PPIA: variants seen among roughly 807,000 people sequenced by gnomAD.
PPIA encodes the protein peptidyl-prolyl cis-trans isomerase A.
PPIA carries 2 observed loss-of-function variants against 15.3 expected under a neutral mutation model. That is an observed-to-expected ratio of 0.13 (90% confidence interval 0.05 to 0.41). The LOEUF (loss-of-function observed/expected upper bound fraction) is 0.41. Among genes scored for constraint, PPIA ranks in the 10% least tolerant of loss-of-function variants. The pLI is 0.99. For synonymous variants in PPIA, 67 were observed against 73.1 expected, an observed-to-expected ratio of 0.92 and a Z score of 0.43; for missense variants, 103 against 210.3, an observed-to-expected ratio of 0.49 and a Z score of 3.16.
At chr7:44,797,639 A>G (rs1332166207) in intron 1 of PPIA, among the ~76,000 whole-genome samples, 7 of 152,168 alleles carry the variant, frequency 4.6e-5, no homozygotes, top group South Asian at 2.1e-4. Flanking sequence ...ACCAGTGATT[A>G]CCTAATTAGT....
rs142167741 is a variant in PPIA at position 44,799,325 on chromosome 7, T to TTGTG, written c.101-55_101-52dup. Reference sequence around the variant, plus strand: ...ACAAAGATGTTCCAATTGTGACAGTTTGTGTGTGTGTGTGTATATATATAT... The same window carrying TTGTG: ...ACAAAGATGTTCCAATTGTGACAGTTTGTGTGTGTGTGTGTGTGTATATATATAT... On this transcript the variant is annotated intron_variant, in intron 2 of 4. Transcript: ENST00000468812. The TTGTG allele has an allele frequency of 3.1e-5, 49 of 1,601,726 alleles. 1 individual carries two copies. In the African/African-American group the frequency reaches 4.4e-4, roughly 14 times the overall value.
In PPIA at chr7:44,796,705, A is replaced by T; in HGVS notation, c.-20A>T. 1 of 1,609,580 alleles carries T rather than the reference A, an allele frequency of 6.2e-7. No individual in the cohort carries two copies. The highest frequency in any genetic ancestry group is 8.5e-7 in the Non-Finnish European group (1 of 1,178,128). On this transcript the variant is annotated 5_prime_UTR_variant, in exon 1 of 5. Coordinates refer to ENST00000468812, the MANE Select transcript of PPIA (RefSeq NM_021130.5). ...CGTTTTGCAGACGCCACCGCCGAGGAAAACCGTGTACTATTAGCCATGGTC... is the reference window on the plus strand; with the variant it reads ...CGTTTTGCAGACGCCACCGCCGAGGTAAACCGTGTACTATTAGCCATGGTC...
At chr7:44,798,025 C>A (rs1312764004) in intron 1 of PPIA, 1 of 152,182 alleles carries the variant, frequency 6.6e-6, no homozygotes, top group Non-Finnish European at 1.5e-5. Flanking sequence ...CAAGGGCTTT[C>A]GTGGAAACTT....
rs918372843 is a variant in PPIA, at chr7:44,799,339, G to GTA, written c.101-43_101-42dup. The GTA allele has an allele frequency of 3.2e-5, 51 of 1,580,896 alleles. No homozygotes were observed. The Admixed American group carries it at 4.6e-4, about 14-fold the overall frequency. On this transcript the variant is annotated intron_variant, in intron 2 of 4. Transcript: ENST00000468812. ...ATTGTGACAGTTTGTGTGTGTGTGT[G>GTA]TATATATATATTTTTATGTATGTAT... is the stretch of plus-strand genomic sequence containing the variant.
Position 44,799,854 on chromosome 7 carries a change from C to T in PPIA, c.342C>T (p.Ile114=), listed in dbSNP as rs1792492837. Reference sequence around the variant, plus strand: ...ACACAAATGGTTCCCAGTTTTTCATCTGCACTGCCAAGACTGAGTGGTAAG... The same window carrying T: ...ACACAAATGGTTCCCAGTTTTTCATTTGCACTGCCAAGACTGAGTGGTAAG... ...GPNTNGSQFF[I]CTAKTEWLDG... The change falls in exon 4 of 5, where the codon ATC becomes ATT. Residue 114 remains isoleucine, a synonymous_variant. Coordinates refer to ENST00000468812, the MANE Select transcript of PPIA (RefSeq NM_021130.5). 5.0e-6 allele frequency: 8 copies of T among 1,611,896 alleles called. No homozygotes were observed. The highest frequency in any genetic ancestry group is 6.8e-6 in the Non-Finnish European group (8 of 1,179,990).
At chr7:44,796,823 G>A (rs1355387961) in intron 1 of PPIA, 30 bp downstream of exon 1, 1 of 1,591,426 alleles carries the variant, frequency 6.3e-7, no homozygotes, top group Admixed American at 1.7e-5. Flanking sequence ...GCGGGAATGG[G>A]GCCCAGAAAG....
intron 1 of PPIA, chr7:44,798,629 G>A (rs1310015409): frequency 1.7e-6 from 1 of 595,598 alleles, no homozygotes; most frequent in Admixed American, 6.3e-5. Context: ...TTTATGAAAG[G>A]GCTTGTAAAT....
rs1792598224 is a variant in PPIA, at chr7:44,802,490, T to A, written c.*1068T>A. ...AGCTAAGCTTGAACACTGTTGATGT[T>A]CTTGAGGGAAGCATATTGGGCTTTA... On this transcript the variant is annotated 3_prime_UTR_variant, in exon 5 of 5. Coordinates refer to ENST00000468812, the MANE Select transcript of PPIA (RefSeq NM_021130.5). 6.6e-6 allele frequency: 1 copy of A among 152,158 alleles called. No individual in the cohort carries two copies. The highest frequency in any genetic ancestry group is 2.1e-4 in the South Asian group (1 of 4,828). The allele number at this position is 152,158 out of a possible 1,614,324, so 9.4% of individuals were successfully genotyped here.
chr7:44,799,530 G>A, intron 3 of PPIA, 50 bp downstream of exon 3: 1 of 1,592,676 alleles, frequency 6.3e-7, no homozygotes, highest in Non-Finnish European at 8.6e-7. Context: ...CCTTCATTTG[G>A]GATTGAGCCA....
At position 44,796,808 on chromosome 7, in the gene PPIA, G is replaced by A; in HGVS notation, c.69+15G>A. On this transcript the variant is annotated intron_variant, in intron 1 of 4. Transcript: ENST00000468812. Reference sequence around the variant, plus strand: ...TCTCCTTTGAGGTCGGGCGGGCGGCGGCGTGCGGGAATGGGGCCCAGAAAG... The same window carrying A: ...TCTCCTTTGAGGTCGGGCGGGCGGCAGCGTGCGGGAATGGGGCCCAGAAAG... 4 of 1,601,404 alleles carry A rather than the reference G, an allele frequency of 2.5e-6. No individual in the cohort carries two copies. The highest frequency in any genetic ancestry group is 1.1e-5 in the South Asian group (1 of 90,606).
intron 1 of PPIA, among the ~76,000 whole-genome samples, chr7:44,797,331 G>T (rs926433631): frequency 4.6e-5 from 7 of 152,182 alleles, no homozygotes; most frequent in African/African-American, 1.7e-4. Context: ...TGTAGATCCC[G>T]GGAGGCCATG....
chr7:44,801,204 C>A, intron 4 of PPIA, 83 bp from the exon 5 acceptor site: 11 of 1,383,206 alleles, frequency 8.0e-6, no homozygotes, highest in Non-Finnish European at 7.8e-6. Flanking sequence ...AAAAAAAAAG[C>A]TACCTTTCTC....
chr7:44,801,717 C>G lies in PPIA; in HGVS notation c.*295C>G. The G allele has an allele frequency of 7.2e-6, 2 of 275,988 alleles. 1 individual carries two copies. The highest frequency in any genetic ancestry group is 8.3e-5 in the South Asian group (2 of 24,186). 17.1% of individuals were successfully genotyped at this position (275,988 alleles called of 1,614,324 possible). ...TGAAACATCACTTGTTTGCTTAATT[C>G]TACACAGTACTTAGATTTTTTTTAC... On this transcript the variant is annotated 3_prime_UTR_variant, in exon 5 of 5. Transcript: ENST00000468812.
intron 4 of PPIA, 141 bp downstream of exon 4, chr7:44,800,015 A>T: frequency 1.2e-6 from 1 of 858,438 alleles, no homozygotes; most frequent in South Asian, 1.7e-5. Context: ...AGCATACATA[A>T]ACGACAAATA....
chr7:44,798,822 C>G, intron 1 of PPIA: 1 of 995,754 alleles, frequency 1.0e-6, no homozygotes, highest in Non-Finnish European at 1.2e-6. Flanking sequence ...GAGGTAGTAG[C>G]ATTTTCATTA....
At chr7:44,797,840 G>A (rs1234200352) in intron 1 of PPIA, 1 of 152,168 alleles carries the variant, frequency 6.6e-6, no homozygotes, top group Non-Finnish European at 1.5e-5. Flanking sequence ...GGCCACCAAT[G>A]GCTAGTTTGG....
At chr7:44,799,549 C>T (rs1792483315) in intron 3 of PPIA, 69 bp downstream of exon 3, 3 of 1,575,976 alleles carry the variant, frequency 1.9e-6, no homozygotes, top group Non-Finnish European at 2.6e-6. Context: ...CAGAATATTT[C>T]AGGATACACA....
At chr7:44,798,783 C>T (rs1360382128) in intron 1 of PPIA, 2 of 989,994 alleles carry the variant, frequency 2.0e-6, no homozygotes, top group Non-Finnish European at 2.4e-6. Context: ...GACTGCTCAT[C>T]TAATCCATAA....
chr7:44,799,776 C>T lies in PPIA; in HGVS notation c.264C>T (p.Phe88=). The part of the protein sequence containing the change: ...IYGEKFEDEN[F]ILKHTGPGIL... ...GGGAGAAATTTGAAGATGAGAACTT[C>T]ATCCTAAAGCATACGGGTCCTGGCA... is the stretch of plus-strand genomic sequence containing the variant. The change falls in exon 4 of 5, where the codon TTC becomes TTT. Residue 88 remains phenylalanine (F), a synonymous_variant. Transcript: ENST00000468812. 6.2e-7 allele frequency: 1 copy of T among 1,613,912 alleles called. No individual in the cohort carries two copies. The highest frequency in any genetic ancestry group is 2.2e-5 in the East Asian group (1 of 44,886).
Sources: gnomAD v4.1 joint callset for allele counts (sites outside exome capture counted in the v4.1 genomes callset) on GRCh38, gnomAD v4.1.1 for gene constraint, MANE v1.5 for transcripts, NCBI Gene and HGNC (gene_info 2026-07-23, HGNC 2026-07-21) for gene names.